TPO: variants seen among roughly 807,000 people sequenced by gnomAD.
The protein encoded by TPO is thyroid microsomal antigen.
In TPO, 78 loss-of-function variants were observed where a neutral mutation model predicts 96.9. The ratio of observed to expected loss-of-function variants is 0.81; its 90% confidence interval spans 0.67 to 0.97. The LOEUF is 0.97. TPO is among the 50% of genes least tolerant of loss of function. TPO has a pLI of 0.00. For synonymous variants in TPO, 547 were observed against 538.0 expected (o/e 1.02, Z -0.23); for missense variants, 1,252 against 1,274.8 (o/e 0.98, Z 0.27).
intron 6 of TPO, 94 bp downstream of exon 6, chr2:1,453,917 G>A: frequency 6.4e-7 from 1 of 1,564,680 alleles, no homozygotes; most frequent in Non-Finnish European, 8.7e-7. Context: ...TGCTCGTGCT[G>A]GGTGCTGCGT....
At chr2:1,443,604 GCAGGAGGTACCA>G in intron 5 of TPO, among the ~76,000 whole-genome samples, 4 of 140,676 alleles carry the variant, frequency 2.8e-5, no homozygotes, top group African/African-American at 5.4e-5. Context: ...AGTCATTGCT[GCAGGAGGTACCA>G]TGTTGGAAGG....
At chr2:1,399,824 G>T (rs772771883) in intron 1 of TPO, among the ~76,000 whole-genome samples, 1 of 152,212 alleles carries the variant, frequency 6.6e-6, no homozygotes, top group Non-Finnish European at 1.5e-5. Context: ...GGAGCACCAG[G>T]TTCTGCAAAT....
chr2:1,444,141 C>T lies in TPO; in HGVS notation c.482+7757C>T, dbSNP rs530082931. On this transcript the variant is annotated intron_variant, in intron 5 of 16. Coordinates refer to ENST00000329066, the MANE Select transcript of TPO (RefSeq NM_001206744.2). ...TGTTTGTATGATCCAGTCACTGCTG[C>T]GGGAGGCACCATGTTGGAAGGGAAT... 3.1e-3 allele frequency among the ~76,000 whole-genome samples: 423 copies of T among 134,336 alleles called. 1 individual carries two copies. Among genetic ancestry groups the T allele is most frequent in the African/African-American group, 0.011 (385 of 34,640 alleles). 88.1% of individuals were successfully genotyped at this position (134,336 alleles called of 152,430 possible). A position where few individuals can be genotyped will look rare whatever the true frequency, so the allele number is the denominator to read the frequency against.
chr2:1,496,664 G>A lies in TPO; in HGVS notation c.2285G>A (p.Arg762His), dbSNP rs139734552. The A allele has an allele frequency of 1.1e-5, 17 of 1,613,912 alleles. No homozygotes were observed. Among genetic ancestry groups the A allele is most frequent in the African/African-American group, 5.3e-5 (4 of 74,906 alleles). ...GTGCACTGTGAGGAGTCTGGGAGGC[G>A]CGTGCTGGTGTATTCCTGCCGGCAC... ...DFVHCEESGR[R>H]VLVYSCRHGY... is the part of the protein sequence containing the mutation. Residue 762 changes from arginine to histidine, a missense_variant, in exon 13 of 17, where the codon CGC becomes CAC. Coordinates refer to ENST00000329066, the MANE Select transcript of TPO (RefSeq NM_001206744.2).
intron 3 of TPO, among the ~76,000 whole-genome samples, chr2:1,425,357 T>G (rs1312459808): frequency 6.9e-6 from 1 of 144,214 alleles, no homozygotes. Flanking sequence ...TTCTGTGCAG[T>G]CATTTTTCTA....
Position 1,387,983 on chromosome 2 carries a change from C to G in TPO, n.180+13581C>G, listed in dbSNP as rs192027130. On this transcript the variant is annotated intron_variant and non_coding_transcript_variant, in intron 1 of 5. Coordinates refer to the TPO transcript ENST00000497517. ...AGTTTGCTGGAGGTCCCCTCCAGAC[C>G]CTGTTTGCCTGGGTATCAGCAGCAG... is the stretch of plus-strand genomic sequence containing the variant. Among the ~76,000 whole-genome samples the G allele has an allele frequency of 2.7e-3, 418 of 152,280 alleles. 1 individual carries two copies. The highest frequency in any genetic ancestry group is 6.8e-3 in the Middle Eastern group (2 of 294).
intron 7 of TPO, among the ~76,000 whole-genome samples, chr2:1,475,620 T>C (rs958133145): frequency 1.3e-5 from 2 of 152,042 alleles, no homozygotes; most frequent in African/African-American, 4.8e-5. Flanking sequence ...AGACGGGGTT[T>C]CACTGTGTTA....
At chr2:1,436,840 C>G (rs1425208942) in intron 5 of TPO, among the ~76,000 whole-genome samples, 1 of 152,186 alleles carries the variant, frequency 6.6e-6, no homozygotes, top group Non-Finnish European at 1.5e-5. Context: ...GTGGTGGTCC[C>G]CTCACTGGTT....
At chr2:1,379,070 T>C (rs1001578625) in intron 1 of TPO, among the ~76,000 whole-genome samples, 2 of 152,156 alleles carry the variant, frequency 1.3e-5, no homozygotes, top group African/African-American at 2.4e-5. Context: ...TCTGGGAGGC[T>C]GAGGCAGGTG....
intron 1 of TPO, among the ~76,000 whole-genome samples, chr2:1,399,858 G>A (rs1410599222): frequency 6.6e-6 from 1 of 152,196 alleles, no homozygotes; most frequent in African/African-American, 2.4e-5. Context: ...ATCAACGGGT[G>A]CACAGGAAAA....
intron 5 of TPO, chr2:1,438,869 T>C (rs1665877773): frequency 4.2e-6 from 3 of 717,324 alleles, no homozygotes; most frequent in Non-Finnish European, 7.8e-6. Flanking sequence ...CCTGTTTAAC[T>C]AGGAACCTTC....
At chr2:1,533,400 G>T (rs1311622594) in intron 15 of TPO, among the ~76,000 whole-genome samples, 5 of 120,948 alleles carry the variant, frequency 4.1e-5, no homozygotes, top group African/African-American at 1.3e-4. Context: ...CACACTGTTT[G>T]CAACCTCCTC....
chr2:1,451,951 A>G (rs1477261598), intron 5 of TPO, among the ~76,000 whole-genome samples: 3 of 152,156 alleles, frequency 2.0e-5, no homozygotes, highest in Non-Finnish European at 4.4e-5. Flanking sequence ...AATAAGTTTT[A>G]CATATTTCTT....
intron 16 of TPO, 146 bp from the exon 17 acceptor site, chr2:1,542,275 G>A: frequency 1.8e-6 from 2 of 1,136,810 alleles, no homozygotes; most frequent in Non-Finnish European, 2.6e-6. Flanking sequence ...CCTCCAGCAT[G>A]ACAAGCAAGA....
chr2:1,455,571 T>C (rs1667715064), intron 6 of TPO, among the ~76,000 whole-genome samples: 1 of 152,126 alleles, frequency 6.6e-6, no homozygotes, highest in African/African-American at 2.4e-5. Context: ...GGAACGGTGT[T>C]AAACATAACA....
rs372225161 is a variant in TPO at position 1,493,837 on chromosome 2, C to G, written c.1804C>G (p.Arg602Gly). ...NEWREFCGLP[R>G]LETPADLSTA... ...GTGGAGGGAGTTCTGCGGCCTGCCT[C>G]GCCTGGAGACCCCCGCTGACCTGAG... is the stretch of plus-strand genomic sequence containing the variant. The change falls in exon 11 of 17, where the codon CGC (arginine) becomes GGC (glycine). Residue 602 changes from arginine to glycine, a missense_variant. By Grantham distance (125) the Arg-to-Gly change is moderately radical (BLOSUM62 -2). Transcript: ENST00000329066. The G allele has an allele frequency of 6.2e-7, 1 of 1,614,106 alleles. No homozygotes were observed. Among genetic ancestry groups the G allele is most frequent in the East Asian group, 2.2e-5 (1 of 44,874 alleles).
At chr2:1,415,027 C>T (rs1371503881) in intron 2 of TPO, among the ~76,000 whole-genome samples, 4 of 152,266 alleles carry the variant, frequency 2.6e-5, no homozygotes, top group East Asian at 1.9e-4. Flanking sequence ...CCATGGACAC[C>T]GCTGGCCCCG....
intron 15 of TPO, 44 bp from the exon 16 acceptor site, chr2:1,540,550 G>C: frequency 6.2e-7 from 1 of 1,608,864 alleles, no homozygotes. Flanking sequence ...CCACAGTCAC[G>C]GTGCCGGACC....
intron 3 of TPO, among the ~76,000 whole-genome samples, chr2:1,425,221 A>G (rs953524499): frequency 3.3e-5 from 5 of 151,282 alleles, no homozygotes; most frequent in Non-Finnish European, 5.9e-5. Context: ...AGATGCCAGG[A>G]TACAGAGATG....
Sources: allele counts gnomAD v4.1 joint callset (sites outside exome capture counted in the v4.1 genomes callset), GRCh38; gene constraint gnomAD v4.1.1; transcripts MANE v1.5; gene names NCBI Gene and HGNC (gene_info 2026-07-23, HGNC 2026-07-21).